The following DLG2 variants were observed in gnomAD, a reference collection of about 807,000 sequenced individuals.
DLG2 encodes the protein disks large homolog 2.
A neutral mutation model predicts 132.5 loss-of-function variants in DLG2; 45 were observed. That is an observed-to-expected ratio of 0.34 (90% CI 0.27 to 0.44). The LOEUF (loss-of-function observed/expected upper bound fraction) is 0.44. DLG2 is among the 20% of genes least tolerant of loss of function. The pLI, the probability that DLG2 is intolerant of heterozygous loss-of-function variation, is 1.00. For missense variants in DLG2, 1,045 were observed against 1,196.9 expected (o/e 0.87, Z 1.87); for synonymous variants, 424 against 419.6 (o/e 1.01, Z -0.13).
chr11:83,924,173 C>T (rs1303762126), intron 15 of DLG2, among the ~76,000 whole-genome samples: 1 of 152,076 alleles, frequency 6.6e-6, no homozygotes, highest in Non-Finnish European at 1.5e-5. Flanking sequence ...GGTAATTCCT[C>T]CTATGTTTAC....
intron 20 of DLG2, among the ~76,000 whole-genome samples, chr11:83,533,087 T>C (rs893677275): frequency 3.9e-5 from 6 of 152,268 alleles, no homozygotes; most frequent in African/African-American, 1.4e-4. Context: ...TCAAAATCTA[T>C]TTCAAATCTC....
At chr11:83,762,515 G>A (rs951243700) in intron 18 of DLG2, among the ~76,000 whole-genome samples, 2 of 151,990 alleles carry the variant, frequency 1.3e-5, no homozygotes, top group Admixed American at 6.5e-5. Flanking sequence ...TGTGCCATGA[G>A]TTTGGGAATT....
intron 6 of DLG2, among the ~76,000 whole-genome samples, chr11:84,859,825 G>C (rs559229708): frequency 9.9e-5 from 15 of 151,798 alleles, no homozygotes; most frequent in Non-Finnish European, 1.9e-4. Context: ...AAGAGAAGTA[G>C]AGGCAAGTTT....
chr11:84,025,966 G>C (rs773930984), intron 11 of DLG2, among the ~76,000 whole-genome samples: 5 of 151,984 alleles, frequency 3.3e-5, no homozygotes, highest in Non-Finnish European at 5.9e-5. Context: ...ATAAAACAAA[G>C]TAGTTAAAAT....
intron 3 of DLG2, among the ~76,000 whole-genome samples, chr11:85,415,463 T>G (rs1378534087): frequency 6.6e-6 from 1 of 152,216 alleles, no homozygotes; most frequent in African/African-American, 2.4e-5. Context: ...TGAACTAATT[T>G]ACACTCCCAA....
intron 6 of DLG2, among the ~76,000 whole-genome samples, chr11:84,697,668 A>G (rs945318056): frequency 6.6e-6 from 1 of 151,386 alleles, no homozygotes; most frequent in African/African-American, 2.4e-5. Context: ...CATTATCTCT[A>G]TTTTACAGTT....
At chr11:84,642,405 C>T (rs2099668557) in intron 6 of DLG2, among the ~76,000 whole-genome samples, 1 of 151,942 alleles carries the variant, frequency 6.6e-6, no homozygotes, top group African/African-American at 2.4e-5. Context: ...AATCCAGATA[C>T]ATATTTTGCT....
chr11:83,763,331 C>G (rs1438832723), intron 18 of DLG2, among the ~76,000 whole-genome samples: 1 of 152,030 alleles, frequency 6.6e-6, no homozygotes, highest in Non-Finnish European at 1.5e-5. Flanking sequence ...CTCCTCCCAC[C>G]CTCCACCATC....
At chr11:84,024,540 T>C (rs2095487586) in intron 11 of DLG2, among the ~76,000 whole-genome samples, 1 of 152,138 alleles carries the variant, frequency 6.6e-6, no homozygotes, top group South Asian at 2.1e-4. Context: ...ATAAAGAAAA[T>C]GTGGTTTATA....
intron 5 of DLG2, among the ~76,000 whole-genome samples, chr11:85,143,834 T>C (rs1184117891): frequency 2.0e-5 from 3 of 151,946 alleles, no homozygotes; most frequent in Non-Finnish European, 4.4e-5. Context: ...AAGACTCATT[T>C]TGTACTTTAA....
At chr11:83,531,461 A>G (rs556764273) in intron 21 of DLG2, among the ~76,000 whole-genome samples, 2 of 152,152 alleles carry the variant, frequency 1.3e-5, no homozygotes, top group South Asian at 4.1e-4. Flanking sequence ...ATGAGATACC[A>G]CTTCGTACCA....
At chr11:84,408,287 T>C (rs957865149) in intron 7 of DLG2, among the ~76,000 whole-genome samples, 5 of 151,904 alleles carry the variant, frequency 3.3e-5, no homozygotes, top group African/African-American at 1.2e-4. Flanking sequence ...GAAGAAGAAA[T>C]GAAATATATG....
chr11:84,087,893 A>C (rs991066011), intron 10 of DLG2, among the ~76,000 whole-genome samples: 2 of 152,338 alleles, frequency 1.3e-5, no homozygotes, highest in East Asian at 1.9e-4. Context: ...ATAAATTCGC[A>C]TTATTTTAAG....
rs71036459 is a variant in DLG2, at chr11:85,150,699, A to AGTGT, written c.282+3853_282+3856dup. On this transcript the variant is annotated intron_variant, in intron 5 of 27. Transcript: ENST00000376104. ...TTTCCTTTTGTTCCTAAGGCTACAT[A>AGTGT]GTGTGTGTGTGTGTGTGTGTGTGTG... Among the ~76,000 whole-genome samples, 1,260 of 127,318 alleles carry AGTGT rather than the reference A, an allele frequency of 9.9e-3. 20 individuals are homozygous for AGTGT. The highest frequency in any genetic ancestry group is 0.059 in the East Asian group (245 of 4,156). 83.5% of individuals were successfully genotyped at this position (127,318 alleles called of 152,430 possible). A position where few individuals can be genotyped will look rare whatever the true frequency, so the allele number is the denominator to read the frequency against.
intron 4 of DLG2, among the ~76,000 whole-genome samples, chr11:85,191,349 A>C (rs184104805): frequency 6.6e-6 from 1 of 151,652 alleles, no homozygotes; most frequent in East Asian, 1.9e-4. Context: ...TTTTAAGCAA[A>C]ACTATGTAAT....
chr11:84,880,247 T>C (rs887149807), intron 6 of DLG2, among the ~76,000 whole-genome samples: 1 of 152,064 alleles, frequency 6.6e-6, no homozygotes, highest in Non-Finnish European at 1.5e-5. Context: ...GAAGGAAAGT[T>C]GGCTCTCCCC....
intron 16 of DLG2, among the ~76,000 whole-genome samples, chr11:83,860,562 T>C (rs2061297296): frequency 6.6e-6 from 1 of 152,218 alleles, no homozygotes; most frequent in South Asian, 2.1e-4. Flanking sequence ...AGGAAGTAAC[T>C]AAAGTGCTTT....
intron 6 of DLG2, among the ~76,000 whole-genome samples, chr11:84,731,040 A>T (rs577898488): frequency 1.5e-4 from 23 of 152,082 alleles, no homozygotes; most frequent in Non-Finnish European, 2.8e-4. Context: ...TTTGTTTAAA[A>T]TAAGATTGTT....
chr11:83,587,815 A>AC (rs2097114255), intron 19 of DLG2, among the ~76,000 whole-genome samples: 1 of 152,202 alleles, frequency 6.6e-6, no homozygotes, highest in African/African-American at 2.4e-5. Context: ...AGGGCGAGGC[A>AC]TTGCCTCACT....
Sources: gnomAD v4.1 joint callset for allele counts (sites outside exome capture counted in the v4.1 genomes callset) on GRCh38, gnomAD v4.1.1 for gene constraint, MANE v1.5 for transcripts, NCBI Gene and HGNC (gene_info 2026-07-23, HGNC 2026-07-21) for gene names.